LINGO2: variants seen among roughly 807,000 people sequenced by gnomAD.
LINGO2 encodes the protein leucine rich repeat and Ig domain containing 2.
Under a neutral mutation model 30.6 loss-of-function variants are expected in LINGO2, and 14 were observed. That is an observed-to-expected ratio of 0.46 (90% CI 0.30 to 0.72). LINGO2 has a LOEUF of 0.72. LINGO2 is among the 30% of genes least tolerant of loss of function. The pLI is 0.07. For synonymous variants in LINGO2, 317 were observed against 288.5 expected (o/e 1.10, Z -1.00); for missense variants, 729 against 751.7 (o/e 0.97, Z 0.35).
intron 5 of LINGO2, among the ~76,000 whole-genome samples, chr9:28,001,635 G>C (rs1232685520): frequency 2.0e-5 from 3 of 152,074 alleles, no homozygotes; most frequent in African/African-American, 7.2e-5. Context: ...CATTGTTCCG[G>C]GGAAAAGATA....
chr9:28,192,696 C>T (rs1222590345), intron 4 of LINGO2, among the ~76,000 whole-genome samples: 1 of 152,092 alleles, frequency 6.6e-6, no homozygotes, highest in Non-Finnish European at 1.5e-5. Context: ...TTTTTTATCA[C>T]TACATGTTTA....
At chr9:28,661,145 A>AT (rs1828567735) in intron 1 of LINGO2, among the ~76,000 whole-genome samples, 3 of 150,064 alleles carry the variant, frequency 2.0e-5, no homozygotes, top group African/African-American at 4.9e-5. Context: ...GATGCAGAAA[A>AT]ATATATATAT....
At chr9:29,120,046 A>C in the LINGO2 span, among the ~76,000 whole-genome samples, 1 of 152,160 alleles carries the variant, frequency 6.6e-6, no homozygotes, top group South Asian at 2.1e-4. Flanking sequence ...AGGTTGGAGT[A>C]TTCTACTTTG....
intron 3 of LINGO2, among the ~76,000 whole-genome samples, chr9:28,300,551 A>G (rs917087259): frequency 1.3e-5 from 2 of 151,872 alleles, no homozygotes; most frequent in African/African-American, 4.8e-5. Context: ...ACATTCCCAC[A>G]TTTTCCACAG....
At chr9:28,725,183 T>C in the LINGO2 span, among the ~76,000 whole-genome samples, 2 of 152,034 alleles carry the variant, frequency 1.3e-5, no homozygotes, top group African/African-American at 4.8e-5. Context: ...ATCAAAAAAA[T>C]TTATCACACG....
At chr9:29,079,133 C>A in the LINGO2 span, among the ~76,000 whole-genome samples, 1 of 138,786 alleles carries the variant, frequency 7.2e-6, no homozygotes. Context: ...AGAGGACTAT[C>A]TATGTTGACA....
chr9:28,029,818 T>C (rs1823577538), intron 4 of LINGO2, among the ~76,000 whole-genome samples: 1 of 152,246 alleles, frequency 6.6e-6, no homozygotes, highest in Admixed American at 6.5e-5. Context: ...ATTCTTCAAC[T>C]GTTGTATGTA....
At position 28,050,925 on chromosome 9, in the gene LINGO2, A is replaced by G. The variant is rs964094549; in HGVS notation, c.-86-38520T>C. Among the ~76,000 whole-genome samples the G allele has an allele frequency of 1.3e-5, 2 of 151,052 alleles. 1 individual carries two copies. Among genetic ancestry groups the G allele is most frequent in the Non-Finnish European group, 2.9e-5 (2 of 67,920 alleles). ...CAGATGAGTTTTTTCAAAATATTGA[A>G]AACACACTGTAGTACATGTTATGAC... On this transcript the variant is annotated intron_variant, in intron 4 of 5. Coordinates refer to ENST00000379992, the Ensembl canonical transcript of LINGO2.
the LINGO2 span, among the ~76,000 whole-genome samples, chr9:29,122,430 C>T: frequency 6.6e-6 from 1 of 151,956 alleles, no homozygotes; most frequent in Non-Finnish European, 1.5e-5. Context: ...AATAAGACTA[C>T]ACAATTAAAC....
the LINGO2 span, among the ~76,000 whole-genome samples, chr9:29,104,306 T>C: frequency 1.3e-5 from 2 of 152,082 alleles, no homozygotes; most frequent in Admixed American, 6.6e-5. Context: ...GTTCTCATAA[T>C]AGTGAGTTCT....
At chr9:29,184,321 C>T in the LINGO2 span, among the ~76,000 whole-genome samples, 1 of 151,406 alleles carries the variant, frequency 6.6e-6, no homozygotes, top group Non-Finnish European at 1.5e-5. Flanking sequence ...AAAAAAAAAA[C>T]TTCATATTGA....
At chr9:28,373,692 G>A (rs551200775) in intron 2 of LINGO2, among the ~76,000 whole-genome samples, 1 of 152,152 alleles carries the variant, frequency 6.6e-6, no homozygotes, top group East Asian at 1.9e-4. Context: ...CTGAGGTCAG[G>A]AGTTCAAGAC....
At chr9:28,741,428 G>C in the LINGO2 span, among the ~76,000 whole-genome samples, 1 of 151,966 alleles carries the variant, frequency 6.6e-6, no homozygotes, top group Admixed American at 6.6e-5. Flanking sequence ...GAGGATGGTT[G>C]CATGGGTGCT....
chr9:28,137,204 C>CACACAT (rs1461583465), intron 4 of LINGO2, among the ~76,000 whole-genome samples: 2 of 151,142 alleles, frequency 1.3e-5, no homozygotes, highest in Non-Finnish European at 3.0e-5. Flanking sequence ...CCCTGACACA[C>CACACAT]ACACACACAC....
chr9:29,074,826 C>G, the LINGO2 span, among the ~76,000 whole-genome samples: 1 of 150,180 alleles, frequency 6.7e-6, no homozygotes, highest in South Asian at 2.1e-4. Context: ...CACCACCACA[C>G]CTAGCTAATT....
chr9:28,364,518 G>A (rs1820583502), intron 3 of LINGO2, among the ~76,000 whole-genome samples: 1 of 152,114 alleles, frequency 6.6e-6, no homozygotes, highest in South Asian at 2.1e-4. Context: ...CAAGGCACCT[G>A]CCATTTTATA....
the LINGO2 span, among the ~76,000 whole-genome samples, chr9:29,019,661 G>T: frequency 6.6e-6 from 1 of 152,164 alleles, no homozygotes; most frequent in Non-Finnish European, 1.5e-5. Flanking sequence ...ACTACATAGC[G>T]ACTGGCACAG....
At chr9:28,797,886 T>C in the LINGO2 span, among the ~76,000 whole-genome samples, 1 of 151,876 alleles carries the variant, frequency 6.6e-6, no homozygotes, top group South Asian at 2.1e-4. Context: ...GGATATGAAG[T>C]GGGGCCAGGA....
the LINGO2 span, among the ~76,000 whole-genome samples, chr9:28,678,379 T>C: frequency 6.6e-6 from 1 of 152,008 alleles, no homozygotes; most frequent in Non-Finnish European, 1.5e-5. Context: ...AGGTATCAGC[T>C]TAAATGCCCC....
Sources: gnomAD v4.1 joint callset for allele counts (sites outside exome capture counted in the v4.1 genomes callset) on GRCh38, gnomAD v4.1.1 for gene constraint, MANE v1.5 for transcripts, NCBI Gene and HGNC (gene_info 2026-07-23, HGNC 2026-07-21) for gene names.